The following CNTN5 variants were observed in gnomAD, a reference collection of about 807,000 sequenced individuals.
CNTN5 encodes contactin-5.
A neutral mutation model predicts 129.1 loss-of-function variants in CNTN5; 77 were observed. The observed-to-expected ratio is 0.60, with a 90% CI of 0.50 to 0.72. The LOEUF (loss-of-function observed/expected upper bound fraction) is 0.72. Ranked by LOEUF, CNTN5 falls within the 30% of genes least tolerant of loss-of-function variation. The pLI is 0.00. For missense variants in CNTN5, 1,478 were observed against 1,328.8 expected (o/e 1.11, Z -1.75); for synonymous variants, 509 against 465.6 (o/e 1.09, Z -1.20).
intron 2 of CNTN5, among the ~76,000 whole-genome samples, chr11:99,366,907 C>T (rs553610144): frequency 1.3e-4 from 20 of 152,216 alleles, no homozygotes; most frequent in Non-Finnish European, 2.8e-4. Flanking sequence ...ATAGCAGATT[C>T]GGTGCCTTTG....
At chr11:99,383,922 T>C (rs758301865) in intron 2 of CNTN5, among the ~76,000 whole-genome samples, 28 of 152,142 alleles carry the variant, frequency 1.8e-4, no homozygotes, top group Admixed American at 4.6e-4. Flanking sequence ...AAAGTCTCTT[T>C]AAATTTCTTT....
intron 17 of CNTN5, among the ~76,000 whole-genome samples, chr11:100,268,994 C>A (rs1476828365): frequency 1.3e-5 from 2 of 152,092 alleles, no homozygotes; most frequent in Non-Finnish European, 2.9e-5. Flanking sequence ...TAGTTAACAG[C>A]ATAGAGAGTA....
At chr11:99,606,366 A>T (rs1339446106) in intron 3 of CNTN5, among the ~76,000 whole-genome samples, 3 of 135,224 alleles carry the variant, frequency 2.2e-5, no homozygotes, top group Non-Finnish European at 4.8e-5. Flanking sequence ...AAGAGAATAA[A>T]ATACCTAGGA....
At chr11:99,143,510 G>C (rs1406338488) in intron 1 of CNTN5, among the ~76,000 whole-genome samples, 1 of 137,594 alleles carries the variant, frequency 7.3e-6, no homozygotes, top group Non-Finnish European at 1.5e-5. Context: ...ATGACAATGG[G>C]ATCCTAGAGA....
At chr11:99,922,393 G>A (rs1565680632) in intron 7 of CNTN5, among the ~76,000 whole-genome samples, 1 of 152,168 alleles carries the variant, frequency 6.6e-6, no homozygotes, top group Non-Finnish European at 1.5e-5. Flanking sequence ...TACAGAGGAA[G>A]TGAGAAAAGA....
intron 21 of CNTN5, among the ~76,000 whole-genome samples, chr11:100,330,329 A>G (rs527245474): frequency 2.3e-3 from 344 of 152,320 alleles, no homozygotes; most frequent in South Asian, 9.9e-3. Context: ...GTTTGGGACT[A>G]TGTTAAATGG....
chr11:99,888,919 C>T (rs1212423355), intron 6 of CNTN5, among the ~76,000 whole-genome samples: 1 of 152,068 alleles, frequency 6.6e-6, no homozygotes, highest in Non-Finnish European at 1.5e-5. Flanking sequence ...GGAAAATGCT[C>T]ACAGTTTTGA....
At chr11:100,032,863 A>G (rs1181106995) in intron 9 of CNTN5, among the ~76,000 whole-genome samples, 1 of 152,178 alleles carries the variant, frequency 6.6e-6, no homozygotes, top group Non-Finnish European at 1.5e-5. Context: ...TTTTTAATGA[A>G]TGAAGATTTT....
At chr11:99,353,598 CT>C (rs1277813430) in intron 2 of CNTN5, among the ~76,000 whole-genome samples, 1 of 152,210 alleles carries the variant, frequency 6.6e-6, no homozygotes, top group Non-Finnish European at 1.5e-5. Flanking sequence ...TCAGATTTAA[CT>C]TTGCATATGT....
At chr11:99,146,502 T>C (rs1859792367) in intron 1 of CNTN5, among the ~76,000 whole-genome samples, 1 of 152,122 alleles carries the variant, frequency 6.6e-6, no homozygotes, top group South Asian at 2.1e-4. Flanking sequence ...ACTAATTTGC[T>C]AAGGAGGAGA....
chr11:99,432,639 G>GT (rs1943435521), intron 2 of CNTN5, among the ~76,000 whole-genome samples: 1 of 151,884 alleles, frequency 6.6e-6, no homozygotes, highest in Non-Finnish European at 1.5e-5. Context: ...TTCAGGGCAA[G>GT]TGAGAGCGAA....
At chr11:99,101,752 C>T (rs1343423485) in intron 1 of CNTN5, among the ~76,000 whole-genome samples, 3 of 152,154 alleles carry the variant, frequency 2.0e-5, no homozygotes, top group African/African-American at 7.2e-5. Context: ...GCCTCCCAAC[C>T]CCTTTCACAA....
chr11:100,247,606 A>C (rs2138700387), intron 16 of CNTN5, among the ~76,000 whole-genome samples: 1 of 152,280 alleles, frequency 6.6e-6, no homozygotes, highest in African/African-American at 2.4e-5. Context: ...CCGGGATGTC[A>C]AGAGTATATC....
chr11:99,710,103 T>C (rs1275123388), intron 3 of CNTN5, among the ~76,000 whole-genome samples: 1 of 151,818 alleles, frequency 6.6e-6, no homozygotes, highest in Non-Finnish European at 1.5e-5. Context: ...TAGGCAGAGT[T>C]GCTAATTTTA....
At chr11:99,417,795 T>C (rs1942725185) in intron 2 of CNTN5, among the ~76,000 whole-genome samples, 1 of 152,176 alleles carries the variant, frequency 6.6e-6, no homozygotes, top group South Asian at 2.1e-4. Flanking sequence ...TCACATTCTT[T>C]GGATACTAAA....
chr11:99,902,344 CA>C (rs1272762457), intron 6 of CNTN5, among the ~76,000 whole-genome samples: 3 of 151,638 alleles, frequency 2.0e-5, no homozygotes, highest in Non-Finnish European at 2.9e-5. Flanking sequence ...ATTATACCCT[CA>C]ATTTTGCCTT....
At chr11:100,224,572 T>A (rs1244954897) in intron 15 of CNTN5, 120 bp from the exon 16 acceptor site, 7 of 828,902 alleles carry the variant, frequency 8.4e-6, no homozygotes, top group Admixed American at 2.6e-5. Flanking sequence ...TGAATTGTTG[T>A]TAGATAAACT....
rs1405322912 is a variant in CNTN5, at chr11:100,340,458, G to A, written c.2731-5G>A. ...TTAACCTGCCATGTGATAATTTGTTGATAGGTTGGTTACTGGAAAGACATG... is the reference window on the plus strand; with the variant it reads ...TTAACCTGCCATGTGATAATTTGTTAATAGGTTGGTTACTGGAAAGACATG... On this transcript the variant is annotated splice_region_variant and splice_polypyrimidine_tract_variant and intron_variant, in intron 21 of 24. Coordinates refer to ENST00000524871, the MANE Select transcript of CNTN5 (RefSeq NM_014361.4). The A allele has an allele frequency of 6.3e-7, 1 of 1,599,942 alleles. No individual in the cohort carries two copies. The highest frequency in any genetic ancestry group is 1.7e-5 in the Admixed American group (1 of 58,256).
At chr11:99,254,779 A>G (rs1345133106) in intron 1 of CNTN5, among the ~76,000 whole-genome samples, 1 of 152,022 alleles carries the variant, frequency 6.6e-6, no homozygotes, top group Admixed American at 6.6e-5. Context: ...TGGTCATTGA[A>G]TATTATTGAC....
Sources: allele counts gnomAD v4.1 joint callset (sites outside exome capture counted in the v4.1 genomes callset), GRCh38; gene constraint gnomAD v4.1.1; transcripts MANE v1.5; gene names NCBI Gene and HGNC (gene_info 2026-07-23, HGNC 2026-07-21).